Variants in MAP2K1 observed in about 807,000 individuals in gnomAD.
The protein encoded by MAP2K1 is dual specificity mitogen-activated protein kinase kinase 1.
MAP2K1 carries 16 observed loss-of-function variants against 46.3 expected under a neutral mutation model. The observed-to-expected ratio is 0.35, with a 90% CI of 0.23 to 0.52. The LOEUF (loss-of-function observed/expected upper bound fraction) is 0.52. Ranked by LOEUF, MAP2K1 falls within the 20% of genes least tolerant of loss-of-function variation. The probability of loss-of-function intolerance (pLI) is 0.94; values close to 1 mark genes in which losing one functional copy is unlikely to be tolerated. For synonymous variants in MAP2K1, 183 were observed against 185.6 expected (o/e 0.99, Z 0.11); for missense variants, 263 against 497.1 (o/e 0.53, Z 4.48).
intron 4 of MAP2K1, among the ~76,000 whole-genome samples, chr15:66,444,437 G>A (rs1373499418): frequency 6.6e-6 from 1 of 152,044 alleles, no homozygotes; most frequent in East Asian, 1.9e-4. Context: ...GGGGGCTGAG[G>A]CAGGAGAATC....
In MAP2K1 at chr15:66,410,122, C is replaced by A. The variant is rs77653301; in HGVS notation, c.80+22695C>A. ...GACCTGCATCCGGATCCGTTGACTT[C>A]TCTCCTGTGCAGGGCCCTTGTTTTT... On this transcript the variant is annotated intron_variant, in intron 1 of 10. Coordinates refer to ENST00000307102, the MANE Select transcript of MAP2K1 (RefSeq NM_002755.4). 9.2e-5 allele frequency among the ~76,000 whole-genome samples: 14 copies of A among 152,330 alleles called. No individual in the cohort carries two copies. In the East Asian group the frequency reaches 2.7e-3, roughly 29 times the overall value.
At chr15:66,476,736 C>T (rs754985641) in intron 5 of MAP2K1, among the ~76,000 whole-genome samples, 3 of 152,116 alleles carry the variant, frequency 2.0e-5, no homozygotes, top group Non-Finnish European at 4.4e-5. Context: ...GGCTGTCCCG[C>T]TGGAGGAGTG....
At position 66,481,775 on chromosome 15, in the gene MAP2K1, C is replaced by T. The variant is rs1277020863; in HGVS notation, c.589C>T (p.Leu197=). 1.2e-6 allele frequency: 2 copies of T among 1,613,182 alleles called. No homozygotes were observed. The highest frequency in any genetic ancestry group is 3.3e-5 in the Admixed American group (2 of 60,008). Residue 197 remains leucine (L), a synonymous_variant, in exon 6 of 11, where the codon CTA becomes TTA. Transcript: ENST00000307102. ...TGCAGATGTCAAGCCCTCCAACATC[C>T]TAGTCAACTCCCGTGGGGAGATCAA... is the stretch of plus-strand genomic sequence containing the variant. The part of the protein sequence containing the change: ...MHRDVKPSNI[L]VNSRGEIKLC...
intron 1 of MAP2K1, among the ~76,000 whole-genome samples, chr15:66,408,841 C>T (rs143898454): frequency 1.3e-5 from 2 of 152,250 alleles, no homozygotes; most frequent in Non-Finnish European, 2.9e-5. Context: ...CCATCACAGA[C>T]CTCTCCTCCA....
intron 1 of MAP2K1, among the ~76,000 whole-genome samples, chr15:66,397,593 A>T (rs2093371267): frequency 6.6e-6 from 1 of 152,232 alleles, no homozygotes; most frequent in Non-Finnish European, 1.5e-5. Context: ...CTTAATAGCA[A>T]ATTGTAAATG....
intron 5 of MAP2K1, among the ~76,000 whole-genome samples, chr15:66,471,195 T>C (rs1350660455): frequency 1.3e-5 from 2 of 152,174 alleles, no homozygotes; most frequent in South Asian, 4.1e-4. Context: ...TTATTTTCCT[T>C]TCACAGGGGC....
In MAP2K1 at chr15:66,487,539, TG is replaced by T. The variant is rs552270285; in HGVS notation, c.960+248del. On this transcript the variant is annotated intron_variant, in intron 8 of 10. Transcript: ENST00000307102. ...CTGTAGTCCCAGCTACTCGGGAGGC[TG>T]AGGCATGAGAATTGCTTGAACCTGG... Among the ~76,000 whole-genome samples the T allele has an allele frequency of 2.6e-3, 389 of 152,246 alleles. 1 individual carries two copies. Among genetic ancestry groups the T allele is most frequent in the Non-Finnish European group, 4.3e-3 (293 of 68,012 alleles).
chr15:66,399,477 C>T (rs940756277), intron 1 of MAP2K1, among the ~76,000 whole-genome samples: 1 of 151,920 alleles, frequency 6.6e-6, no homozygotes, highest in Non-Finnish European at 1.5e-5. Context: ...GATAGGATCT[C>T]GCTTGCTGTG....
chr15:66,387,316 C>CT lies in MAP2K1; in HGVS notation c.-32_-31insT, dbSNP rs1321724451. 1 of 1,537,942 alleles carries CT rather than the reference C, an allele frequency of 6.5e-7. No homozygotes were observed. The highest frequency in any genetic ancestry group is 8.8e-7 in the Non-Finnish European group (1 of 1,134,592). ...GGAAGCGAGAGGTGCTGCCCTCCCC[C>CT]CGGAGTTGGAAGCGCGTTACCCGGG... On this transcript the variant is annotated 5_prime_UTR_variant, in exon 1 of 11. Transcript: ENST00000307102.
At chr15:66,398,761 A>T (rs1427085358) in intron 1 of MAP2K1, among the ~76,000 whole-genome samples, 2 of 143,688 alleles carry the variant, frequency 1.4e-5, no homozygotes, top group Non-Finnish European at 3.0e-5. Flanking sequence ...TGAGTAGAGT[A>T]TTGCTAATTT....
intron 5 of MAP2K1, among the ~76,000 whole-genome samples, chr15:66,453,152 A>G (rs1342251568): frequency 2.0e-5 from 3 of 152,200 alleles, no homozygotes; most frequent in Admixed American, 6.5e-5. Context: ...GTGTTTTGCA[A>G]TGAAGACCTC....
At chr15:66,411,003 C>T (rs1234310312) in intron 1 of MAP2K1, among the ~76,000 whole-genome samples, 1 of 152,060 alleles carries the variant, frequency 6.6e-6, no homozygotes, top group African/African-American at 2.4e-5. Context: ...TACAGAGCTT[C>T]TGTGGGACAG....
At chr15:66,388,689 A>G (rs907893) in intron 1 of MAP2K1, among the ~76,000 whole-genome samples, 41,085 of 151,614 alleles carry the variant, frequency 0.27, 6,200 homozygotes, top group South Asian at 0.37. Flanking sequence ...CTAGATTTTA[A>G]TAACCCGGGG....
chr15:66,468,845 C>T (rs1428636190), intron 5 of MAP2K1, among the ~76,000 whole-genome samples: 4 of 151,990 alleles, frequency 2.6e-5, no homozygotes, highest in East Asian at 3.9e-4. Flanking sequence ...GCAGGAGAAT[C>T]GCTTGAACCC....
intron 1 of MAP2K1, among the ~76,000 whole-genome samples, chr15:66,429,521 A>G (rs1159853883): frequency 1.3e-5 from 2 of 152,136 alleles, no homozygotes; most frequent in Non-Finnish European, 2.9e-5. Flanking sequence ...GCACATATAC[A>G]CATTCCTAGA....
At chr15:66,444,391 G>A (rs1327738980) in intron 4 of MAP2K1, among the ~76,000 whole-genome samples, 1 of 151,830 alleles carries the variant, frequency 6.6e-6, no homozygotes, top group Non-Finnish European at 1.5e-5. Context: ...AAATTAGCCG[G>A]GGGTGGTAGC....
intron 5 of MAP2K1, among the ~76,000 whole-genome samples, chr15:66,474,419 C>T (rs1007864041): frequency 6.6e-6 from 1 of 152,184 alleles, no homozygotes; most frequent in Non-Finnish European, 1.5e-5. Flanking sequence ...ATCGTGCTCA[C>T]TCGCTAAACT....
At chr15:66,420,825 A>G (rs1347847960) in intron 1 of MAP2K1, among the ~76,000 whole-genome samples, 1 of 112,334 alleles carries the variant, frequency 8.9e-6, no homozygotes, top group African/African-American at 3.0e-5. Flanking sequence ...GTGTATATAT[A>G]TATGTGTATA....
Position 66,401,874 on chromosome 15 carries a change from T to C in MAP2K1, c.80+14447T>C, listed in dbSNP as rs1279700722. The C allele has an allele frequency of 5.5e-6, 4 of 724,546 alleles. No homozygotes were observed. In the Admixed American group the frequency reaches 8.9e-5, roughly 16 times the overall value. The allele number at this position is 724,546 out of a possible 1,614,324, so 44.9% of individuals were successfully genotyped here. On this transcript the variant is annotated intron_variant, in intron 1 of 10. Coordinates refer to ENST00000307102, the MANE Select transcript of MAP2K1 (RefSeq NM_002755.4). ...TTCACACAAGTGGGAAAGCCTGGGA[T>C]GTGCAGAGAAGCCAGCAAGTAGTTG...
Sources: allele counts gnomAD v4.1 joint callset (sites outside exome capture counted in the v4.1 genomes callset), GRCh38; gene constraint gnomAD v4.1.1; transcripts MANE v1.5; gene names NCBI Gene and HGNC (gene_info 2026-07-23, HGNC 2026-07-21).